Variants in CMTM6 observed in about 807,000 individuals in gnomAD.
CMTM6 encodes CKLF like MARVEL transmembrane domain containing 6, also known as CKLF-like MARVEL transmembrane domain-containing protein 6.
A neutral mutation model predicts 13.6 loss-of-function variants in CMTM6; 5 were observed. The observed-to-expected ratio is 0.37, with a 90% confidence interval of 0.19 to 0.77. CMTM6 has a LOEUF of 0.77. CMTM6 is among the 30% of genes least tolerant of loss of function. The probability of loss-of-function intolerance (pLI) is 0.50; values close to 1 mark genes in which losing one functional copy is unlikely to be tolerated. For synonymous variants in CMTM6, 99 were observed against 84.5 expected, an observed-to-expected ratio of 1.17 and a Z score of -0.94; for missense variants, 196 against 218.6, an observed-to-expected ratio of 0.90 and a Z score of 0.65.
intron 2 of CMTM6, among the ~76,000 whole-genome samples, chr3:32,489,112 C>CA (rs902399661): frequency 6.7e-6 from 1 of 150,256 alleles, no homozygotes; most frequent in Non-Finnish European, 1.5e-5. Flanking sequence ...ACTAAAAATA[C>CA]AAAAAAAATT....
rs62252145 is a variant in CMTM6, at chr3:32,482,384, G to C, written c.*1576C>G. On this transcript the variant is annotated 3_prime_UTR_variant, in exon 4 of 4. Coordinates refer to ENST00000205636, the MANE Select transcript of CMTM6 (RefSeq NM_017801.3). ...ATGGCAGATGAGAAAAAAAAAAAAG[G>C]ATGAGGTCATTAAACTTTATCACTG... 6.6e-5 allele frequency: 10 copies of C among 152,032 alleles called. No individual in the cohort carries two copies. Among genetic ancestry groups the C allele is most frequent in the Non-Finnish European group, 1.0e-4 (7 of 67,964 alleles). The allele number at this position is 152,032 out of a possible 1,614,324, so 9.4% of individuals were successfully genotyped here. A position where few individuals can be genotyped will look rare whatever the true frequency, so the allele number is the denominator to read the frequency against.
At chr3:32,498,946 T>C (rs2125659822) in intron 1 of CMTM6, among the ~76,000 whole-genome samples, 1 of 152,298 alleles carries the variant, frequency 6.6e-6, no homozygotes. Context: ...ATACGAATTC[T>C]CCATTAATTT....
chr3:32,489,578 G>A (rs1448925733), intron 2 of CMTM6, among the ~76,000 whole-genome samples: 4 of 151,372 alleles, frequency 2.6e-5, no homozygotes, highest in African/African-American at 9.7e-5. Context: ...TTAAACCCAG[G>A]AAGCACAAGG....
At chr3:32,484,844 A>G (rs1697189110) in intron 3 of CMTM6, among the ~76,000 whole-genome samples, 2 of 152,082 alleles carry the variant, frequency 1.3e-5, no homozygotes, top group Non-Finnish European at 2.9e-5. Flanking sequence ...TAAACTCCCT[A>G]TCTCCACGAT....
intron 1 of CMTM6, among the ~76,000 whole-genome samples, chr3:32,501,817 C>T (rs1268874337): frequency 6.6e-6 from 1 of 152,174 alleles, no homozygotes; most frequent in Non-Finnish European, 1.5e-5. Flanking sequence ...TTTTCCTAAA[C>T]TGGTTCAACC....
At position 32,487,550 on chromosome 3, in the gene CMTM6, G is replaced by A. The variant is rs542468817; in HGVS notation, c.414+388C>T. Among the ~76,000 whole-genome samples, 11 of 152,066 alleles carry A rather than the reference G, an allele frequency of 7.2e-5. No individual in the cohort carries two copies. In the South Asian group the frequency reaches 1.2e-3, roughly 17 times the overall value. On this transcript the variant is annotated intron_variant, in intron 3 of 3. Transcript: ENST00000205636. Reference sequence around the variant, plus strand: ...AACTCCATTACAATTTTACTTTTCCGTCTCCTTTTCTAGACTGAGTCTCTG... The same window carrying A: ...AACTCCATTACAATTTTACTTTTCCATCTCCTTTTCTAGACTGAGTCTCTG...
rs1697165627 is a variant in CMTM6, at chr3:32,482,669, T to C, written c.*1291A>G. Reference sequence around the variant, plus strand: ...ATCTCTTGAGAATGGCTTGATTCTCTTATGCCACCAACAGTATTAGTCTGG... The same window carrying C: ...ATCTCTTGAGAATGGCTTGATTCTCCTATGCCACCAACAGTATTAGTCTGG... On this transcript the variant is annotated 3_prime_UTR_variant, in exon 4 of 4. Transcript: ENST00000205636. 6.6e-6 allele frequency: 1 copy of C among 152,016 alleles called. No individual in the cohort carries two copies. Among genetic ancestry groups the C allele is most frequent in the Non-Finnish European group, 1.5e-5 (1 of 68,018 alleles). The allele number at this position is 152,016 out of a possible 1,614,324, so 9.4% of individuals were successfully genotyped here. A position where few individuals can be genotyped will look rare whatever the true frequency, so the allele number is the denominator to read the frequency against.
chr3:32,500,631 A>G (rs937977730), intron 1 of CMTM6, among the ~76,000 whole-genome samples: 2 of 152,176 alleles, frequency 1.3e-5, no homozygotes, highest in African/African-American at 4.8e-5. Context: ...TTTAAGGCAA[A>G]TTCATCTTCT....
Position 32,483,724 on chromosome 3 carries a change from CA to C in CMTM6, c.*235del. 2 of 300,096 alleles carry C rather than the reference CA, an allele frequency of 6.7e-6. No homozygotes were observed. Among genetic ancestry groups the C allele is most frequent in the Non-Finnish European group, 6.1e-6 (1 of 165,084 alleles). The allele number at this position is 300,096 out of a possible 1,614,324, so 18.6% of individuals were successfully genotyped here. On this transcript the variant is annotated 3_prime_UTR_variant, in exon 4 of 4. Coordinates refer to ENST00000205636, the MANE Select transcript of CMTM6 (RefSeq NM_017801.3). ...AACAATTGTTTTCTCCTCCTCCCAC[CA>C]AAATCTCCATTTGAGATAAGTTTCA... is the stretch of plus-strand genomic sequence containing the variant.
chr3:32,481,727 AT>A lies in CMTM6; in HGVS notation c.*2232del, dbSNP rs1487361926. 1 of 152,254 alleles carries A rather than the reference AT, an allele frequency of 6.6e-6. No homozygotes were observed. Among genetic ancestry groups the A allele is most frequent in the African/African-American group, 2.4e-5 (1 of 41,466 alleles). 9.4% of individuals were successfully genotyped at this position (152,254 alleles called of 1,614,324 possible). On this transcript the variant is annotated 3_prime_UTR_variant, in exon 4 of 4. Coordinates refer to ENST00000205636, the MANE Select transcript of CMTM6 (RefSeq NM_017801.3). ...CTACAATAGAAAAGAAAGGCTAACC[AT>A]TCATGGGTCCCATAAAAAACAATGT... is the stretch of plus-strand genomic sequence containing the variant.
intron 1 of CMTM6, among the ~76,000 whole-genome samples, chr3:32,496,708 G>C (rs1697295254): frequency 6.6e-6 from 1 of 152,136 alleles, no homozygotes; most frequent in African/African-American, 2.4e-5. Flanking sequence ...GGAAAAGCAG[G>C]ACTCAAACCA....
At chr3:32,490,170 CG>C in intron 2 of CMTM6, among the ~76,000 whole-genome samples, 1 of 151,184 alleles carries the variant, frequency 6.6e-6, no homozygotes. Flanking sequence ...CGTTTGAACC[CG>C]GGAGGTGGAA....
At chr3:32,489,666 A>G (rs1435166381) in intron 2 of CMTM6, among the ~76,000 whole-genome samples, 2 of 151,978 alleles carry the variant, frequency 1.3e-5, no homozygotes, top group African/African-American at 2.4e-5. Context: ...AAAGAAAAAA[A>G]AAAAAAGAGG....
chr3:32,490,837 C>T (rs975660765), intron 2 of CMTM6, among the ~76,000 whole-genome samples: 1 of 151,988 alleles, frequency 6.6e-6, no homozygotes, highest in Non-Finnish European at 1.5e-5. Flanking sequence ...ATAAATTTTT[C>T]CAGCCAGAAT....
intron 3 of CMTM6, among the ~76,000 whole-genome samples, chr3:32,486,273 C>T (rs536350904): frequency 6.6e-6 from 1 of 152,332 alleles, no homozygotes; most frequent in South Asian, 2.1e-4. Flanking sequence ...CATTCAAGTT[C>T]ACAGCACTGC....
intron 2 of CMTM6, among the ~76,000 whole-genome samples, 159 bp downstream of exon 2, chr3:32,491,551 G>A (rs192730433): frequency 1.1e-3 from 170 of 152,220 alleles, no homozygotes; most frequent in African/African-American, 3.9e-3. Context: ...CATCCCCTTG[G>A]TAGGAAAAAA....
Position 32,491,901 on chromosome 3 carries a change from A to G in CMTM6, c.139-15T>C. On this transcript the variant is annotated splice_polypyrimidine_tract_variant and intron_variant, in intron 1 of 3. Coordinates refer to ENST00000205636, the MANE Select transcript of CMTM6 (RefSeq NM_017801.3). ...AGAGACAGCAACTACAAATGAAGCA[A>G]AACATTTTACTTAAGTGTTTTTTCA... The G allele has an allele frequency of 6.3e-7, 1 of 1,590,734 alleles. No individual in the cohort carries two copies. Among genetic ancestry groups the G allele is most frequent in the East Asian group, 2.2e-5 (1 of 44,518 alleles).
chr3:32,492,328 C>CA (rs1363589208), intron 1 of CMTM6, among the ~76,000 whole-genome samples: 1 of 152,148 alleles, frequency 6.6e-6, no homozygotes, highest in African/African-American at 2.4e-5. Context: ...AACATACAGA[C>CA]AACACACACC....
chr3:32,496,675 G>A lies in CMTM6; in HGVS notation c.139-4789C>T, dbSNP rs74820115. On this transcript the variant is annotated intron_variant, in intron 1 of 3. Coordinates refer to ENST00000205636, the MANE Select transcript of CMTM6 (RefSeq NM_017801.3). ...GTTAGAAAATCTCAAGAAAATGTTC[G>A]AAGGAGCCGGAGAAGGATGAGTGGA... Among the ~76,000 whole-genome samples, 943 of 152,210 alleles carry A rather than the reference G, an allele frequency of 6.2e-3. 4 individuals are homozygous for A. The highest frequency in any genetic ancestry group is 8.7e-3 in the Non-Finnish European group (593 of 68,008).
Sources: gnomAD v4.1 joint callset for allele counts (sites outside exome capture counted in the v4.1 genomes callset) on GRCh38, gnomAD v4.1.1 for gene constraint, MANE v1.5 for transcripts, NCBI Gene and HGNC (gene_info 2026-07-23, HGNC 2026-07-21) for gene names.